Variants in TUBGCP5 observed in about 807,000 individuals in gnomAD.
The protein encoded by TUBGCP5 is gamma-tubulin complex component 5.
Under a neutral mutation model 134.7 loss-of-function variants are expected in TUBGCP5, and 98 were observed. That is an observed-to-expected ratio of 0.73 (90% CI 0.62 to 0.86). TUBGCP5 has a LOEUF of 0.86. Among genes scored for constraint, TUBGCP5 ranks in the 40% least tolerant of loss-of-function variants. The pLI is 0.00. For synonymous variants in TUBGCP5, 456 were observed against 431.4 expected, an observed-to-expected ratio of 1.06 and a Z score of -0.71; for missense variants, 1,150 against 1,244.8, an observed-to-expected ratio of 0.92 and a Z score of 1.15.
At chr15:23,031,575 C>T (rs919390331) in intron 5 of TUBGCP5, among the ~76,000 whole-genome samples, 1 of 152,050 alleles carries the variant, frequency 6.6e-6, no homozygotes, top group African/African-American at 2.4e-5. Flanking sequence ...ACCTCAGCCT[C>T]CCACAATGCT....
intron 5 of TUBGCP5, among the ~76,000 whole-genome samples, chr15:23,031,537 A>G (rs2066314576): frequency 2.0e-5 from 3 of 152,162 alleles, no homozygotes; most frequent in South Asian, 4.2e-4. Flanking sequence ...GCTGCTCTCG[A>G]ACTCCTCTGG....
chr15:23,038,716 CTA>C (rs1376308137), intron 1 of TUBGCP5, among the ~76,000 whole-genome samples: 7 of 152,146 alleles, frequency 4.6e-5, no homozygotes, highest in African/African-American at 1.4e-4. Context: ...GGTAATGACT[CTA>C]AAAGTATTAA....
intron 1 of TUBGCP5, among the ~76,000 whole-genome samples, chr15:23,039,128 G>A (rs926137708): frequency 1.3e-5 from 2 of 152,028 alleles, no homozygotes; most frequent in African/African-American, 2.4e-5. Flanking sequence ...TTGCAGGCGC[G>A]CGCGCCGGCC....
Position 23,003,047 on chromosome 15 carries a change from C to T in TUBGCP5, c.2927+18G>A, listed in dbSNP as rs2064482467. The T allele has an allele frequency of 7.9e-5, 128 of 1,613,412 alleles. 1 individual carries two copies. Among genetic ancestry groups the T allele is most frequent in the Non-Finnish European group, 1.1e-4 (125 of 1,179,548 alleles). ...TGAAATGGTCACAGTGCAGATGCTG[C>T]AGAAATCACATACTTACCGCCAAGT... On this transcript the variant is annotated intron_variant, in intron 21 of 22. Coordinates refer to ENST00000615383, the MANE Select transcript of TUBGCP5 (RefSeq NM_052903.6).
intron 23 of TUBGCP5, among the ~76,000 whole-genome samples, chr15:22,988,482 C>T (rs1426617905): frequency 1.3e-5 from 2 of 151,602 alleles, no homozygotes; most frequent in Non-Finnish European, 2.9e-5. Flanking sequence ...GCCTGTAATC[C>T]CAGCACTTTG....
In TUBGCP5 at chr15:23,008,750, T is replaced by C. The variant is rs1334884710; in HGVS notation, c.2276A>G (p.Asn759Ser). The C allele has an allele frequency of 1.2e-6, 2 of 1,607,982 alleles. No homozygotes were observed. Among genetic ancestry groups the C allele is most frequent in the Non-Finnish European group, 1.7e-6 (2 of 1,178,732 alleles). ...KETWQNVSFLNVQLQEAVGQR... is the reference protein window; with the variant it reads ...KETWQNVSFLSVQLQEAVGQR... The stretch of plus-strand genomic sequence containing the variant: ...TCCTACTGCTTCTTGGAGTTGGACA[T>C]TAAGAAAAGACACATTCTGCCATGT... Residue 759 changes from asparagine to serine, a missense_variant, in exon 16 of 23, where the codon AAT (asparagine) becomes AGT (serine). Asn to Ser is a conservative substitution (Grantham distance 46, BLOSUM62 1). Transcript: ENST00000615383.
intron 13 of TUBGCP5, among the ~76,000 whole-genome samples, chr15:23,016,812 T>G (rs1306196180): frequency 6.6e-6 from 1 of 151,608 alleles, no homozygotes; most frequent in East Asian, 1.9e-4. Context: ...CTATATGATA[T>G]AGCAATCCCA....
intron 23 of TUBGCP5, among the ~76,000 whole-genome samples, chr15:22,992,212 C>T (rs867680337): frequency 1.3e-5 from 2 of 152,096 alleles, no homozygotes; most frequent in African/African-American, 2.4e-5. Context: ...CTGTGGCTCC[C>T]GAAGGAGGCA....
In TUBGCP5 at chr15:23,027,267, A is replaced by G; in HGVS notation, c.662T>C (p.Val221Ala). 6.2e-7 allele frequency: 1 copy of G among 1,614,032 alleles called. No homozygotes were observed. Among genetic ancestry groups the G allele is most frequent in the Non-Finnish European group, 8.5e-7 (1 of 1,179,976 alleles). Residue 221 changes from valine (V) to alanine (A), a missense_variant, in exon 7 of 23, where the codon GTC becomes GCC. By Grantham distance (64) the Val-to-Ala change is moderately conservative. This residue lies in a region of TUBGCP5 where 453 missense variants were observed against 394.7 expected (regional missense o/e 1.15). Transcript: ENST00000615383. ...GGGCCTGGCTGTCCAGTACTGATGGACCACATGATGTTCCAGCCAGCTTCG... is the reference window on the plus strand; with the variant it reads ...GGGCCTGGCTGTCCAGTACTGATGGGCCACATGATGTTCCAGCCAGCTTCG... Reference protein sequence around the residue: ...DDRSWLEHHVVHQYWTARPSQ... With the variant: ...DDRSWLEHHVAHQYWTARPSQ...
intron 23 of TUBGCP5, among the ~76,000 whole-genome samples, chr15:22,984,857 G>C (rs945510291): frequency 8.5e-5 from 13 of 152,068 alleles, no homozygotes; most frequent in Non-Finnish European, 1.9e-4. Context: ...TGTAGGGTTA[G>C]TACCTTTAGG....
At chr15:22,998,737 C>T (rs2064209461), downstream of TUBGCP5, among the ~76,000 whole-genome samples, 1 of 152,114 alleles carries the variant, frequency 6.6e-6, no homozygotes, top group Non-Finnish European at 1.5e-5. Flanking sequence ...GCCTCAGCCT[C>T]CCAAGTAGCT....
At chr15:23,028,851 G>C (rs2066132022) in intron 6 of TUBGCP5, among the ~76,000 whole-genome samples, 1 of 152,078 alleles carries the variant, frequency 6.6e-6, no homozygotes, top group Non-Finnish European at 1.5e-5. Flanking sequence ...ATAAGAACTA[G>C]CAGGAAGAAT....
intron 9 of TUBGCP5, 165 bp from the exon 10 acceptor site, chr15:23,024,358 GA>G: frequency 1.4e-6 from 1 of 693,448 alleles, no homozygotes; most frequent in Non-Finnish European, 2.1e-6. Context: ...ATACACAAAG[GA>G]AAAAGTGAAC....
chr15:23,039,093 G>A (rs1014237817), intron 1 of TUBGCP5, among the ~76,000 whole-genome samples: 9 of 151,790 alleles, frequency 5.9e-5, no homozygotes, highest in Admixed American at 1.3e-4. Context: ...CTGGAGTCCC[G>A]CCTGGGCCTC....
chr15:22,992,899 T>C (rs576936978), intron 23 of TUBGCP5, among the ~76,000 whole-genome samples: 1 of 152,052 alleles, frequency 6.6e-6, no homozygotes, highest in African/African-American at 2.4e-5. Flanking sequence ...TTCTTCCTGC[T>C]GGGTATAGTA....
chr15:23,007,171 A>T (rs927697726), intron 16 of TUBGCP5, among the ~76,000 whole-genome samples: 2 of 152,114 alleles, frequency 1.3e-5, no homozygotes, highest in African/African-American at 4.8e-5. Flanking sequence ...GCACTTTGGC[A>T]TCCTCGAGGA....
At chr15:23,003,971 C>T (rs962921354) in intron 20 of TUBGCP5, 131 bp downstream of exon 20, 17 of 1,237,250 alleles carry the variant, frequency 1.4e-5, no homozygotes, top group Non-Finnish European at 1.8e-5. Flanking sequence ...TTGTTTGTAA[C>T]CTCATTTCAT....
At chr15:23,011,086 C>A in intron 14 of TUBGCP5, 47 bp downstream of exon 14, 1 of 1,588,134 alleles carries the variant, frequency 6.3e-7, no homozygotes, top group Non-Finnish European at 8.6e-7. Context: ...AAACATTGCA[C>A]AAATGATGCC....
chr15:23,030,916 G>C lies in TUBGCP5; in HGVS notation c.591C>G (p.Asn197Lys), dbSNP rs776889859. 52 of 1,613,250 alleles carry C rather than the reference G, an allele frequency of 3.2e-5. No homozygotes were observed. The highest frequency in any genetic ancestry group is 4.3e-5 in the Non-Finnish European group (51 of 1,179,838). The change falls in exon 6 of 23, where the codon AAC becomes AAG. Residue 197 changes from asparagine to lysine, a missense_variant. Around this residue, in one of 2 missense-constraint regions of TUBGCP5, gnomAD observed 453 missense variants for 394.7 expected, o/e 1.15. Transcript: ENST00000615383. Reference protein sequence around the residue: ...DRTPLEEQDQNRKLDPCISWK... With the variant: ...DRTPLEEQDQKRKLDPCISWK... Reference sequence around the variant, plus strand: ...AACTGATACAAGGATCCAGTTTTCTGTTTTGATCTTGTTCTTCTAACGGTG... The same window carrying C: ...AACTGATACAAGGATCCAGTTTTCTCTTTTGATCTTGTTCTTCTAACGGTG...
Sources: allele counts gnomAD v4.1 joint callset (sites outside exome capture counted in the v4.1 genomes callset), GRCh38; gene constraint gnomAD v4.1.1; regional missense constraint gnomAD v4.1.1; transcripts MANE v1.5; gene names NCBI Gene and HGNC (gene_info 2026-07-23, HGNC 2026-07-21).